The following AKIRIN2 variants were observed in gnomAD, a reference collection of about 807,000 sequenced individuals.
AKIRIN2 encodes the protein akirin-2.
A neutral mutation model predicts 29.3 loss-of-function variants in AKIRIN2; 6 were observed. The observed-to-expected ratio is 0.20, with a 90% CI of 0.11 to 0.40. The LOEUF (loss-of-function observed/expected upper bound fraction) is 0.40. AKIRIN2 is among the 10% of genes least tolerant of loss of function. AKIRIN2 has a pLI of 1.00. For synonymous variants in AKIRIN2, 128 were observed against 117.5 expected, an observed-to-expected ratio of 1.09 and a Z score of -0.58; for missense variants, 210 against 276.1, an observed-to-expected ratio of 0.76 and a Z score of 1.70.
chr6:87,701,703 C>A lies in AKIRIN2; in HGVS notation c.-19G>T. The A allele has an allele frequency of 2.1e-6, 3 of 1,426,432 alleles. No individual in the cohort carries two copies. The highest frequency in any genetic ancestry group is 2.8e-6 in the Non-Finnish European group (3 of 1,089,772). 88.4% of individuals were successfully genotyped at this position (1,426,432 alleles called of 1,614,324 possible). A position where few individuals can be genotyped will look rare whatever the true frequency, so the allele number is the denominator to read the frequency against. On this transcript the variant is annotated 5_prime_UTR_variant, in exon 1 of 5. Transcript: ENST00000257787. ...ACGCCATGGCCGGGGGCAGCTGAGG[C>A]GCCGGGCTCGGGTGGGGTCGGGGAC...
chr6:87,701,811 G>T lies in AKIRIN2; in HGVS notation c.-127C>A. On this transcript the variant is annotated 5_prime_UTR_variant, in exon 1 of 5. Coordinates refer to ENST00000257787, the MANE Select transcript of AKIRIN2 (RefSeq NM_018064.4). The stretch of plus-strand genomic sequence containing the variant: ...TACCCGACGGGCTCAGGAGCCAAGC[G>T]GGTCGCGGAGCGCCGGCTGTGGAAA... 1.6e-6 allele frequency: 1 copy of T among 639,324 alleles called. No homozygotes were observed. Among genetic ancestry groups the T allele is most frequent in the Non-Finnish European group, 2.4e-6 (1 of 424,746 alleles). The allele number at this position is 639,324 out of a possible 1,614,324, so 39.6% of individuals were successfully genotyped here.
intron 1 of AKIRIN2, among the ~76,000 whole-genome samples, chr6:87,688,972 A>G (rs180985030): frequency 7.2e-5 from 11 of 152,352 alleles, no homozygotes; most frequent in African/African-American, 2.4e-4. Flanking sequence ...CTAGCTATAC[A>G]GTACCAGTGA....
intron 1 of AKIRIN2, among the ~76,000 whole-genome samples, chr6:87,695,835 A>C (rs1771350985): frequency 6.6e-6 from 1 of 152,222 alleles, no homozygotes; most frequent in Non-Finnish European, 1.5e-5. Flanking sequence ...TCAATCTTTC[A>C]AAACGAAAGC....
At chr6:87,690,316 C>T (rs573309793) in intron 1 of AKIRIN2, among the ~76,000 whole-genome samples, 1 of 151,830 alleles carries the variant, frequency 6.6e-6, no homozygotes, top group African/African-American at 2.4e-5. Context: ...GAAAGCAAGA[C>T]ATTAGCAGCA....
At chr6:87,697,621 C>T (rs1480082626) in intron 1 of AKIRIN2, among the ~76,000 whole-genome samples, 3 of 152,212 alleles carry the variant, frequency 2.0e-5, no homozygotes. Context: ...ACAGACGTCT[C>T]ATTTGTTCGC....
At chr6:87,683,487 G>C (rs573397237) in intron 1 of AKIRIN2, among the ~76,000 whole-genome samples, 2 of 152,290 alleles carry the variant, frequency 1.3e-5, no homozygotes, top group South Asian at 4.1e-4. Flanking sequence ...GCATGAAACA[G>C]TTGTCTACTG....
chr6:87,686,768 G>A (rs1036894637), intron 1 of AKIRIN2, among the ~76,000 whole-genome samples: 5 of 151,996 alleles, frequency 3.3e-5, no homozygotes, highest in African/African-American at 9.7e-5. Flanking sequence ...TCTTGTGGCC[G>A]GGCGCGGTAG....
intron 1 of AKIRIN2, among the ~76,000 whole-genome samples, chr6:87,696,482 A>G (rs1771365981): frequency 6.6e-6 from 1 of 151,896 alleles, no homozygotes; most frequent in African/African-American, 2.4e-5. Context: ...CGGGCAGATC[A>G]TGAGGCCAGA....
intron 3 of AKIRIN2, among the ~76,000 whole-genome samples, chr6:87,676,755 G>C (rs966916139): frequency 6.7e-6 from 1 of 149,694 alleles, no homozygotes; most frequent in Non-Finnish European, 1.5e-5. Flanking sequence ...ACTCCGGCCT[G>C]GGCGACAGAG....
chr6:87,690,071 A>T (rs756698573), intron 1 of AKIRIN2, among the ~76,000 whole-genome samples: 12 of 151,912 alleles, frequency 7.9e-5, no homozygotes, highest in African/African-American at 2.4e-5. Context: ...AAATTAGCTG[A>T]GCATGGTGGC....
chr6:87,681,596 G>A, intron 2 of AKIRIN2, 24 bp downstream of exon 2: 1 of 1,589,544 alleles, frequency 6.3e-7, no homozygotes, highest in Non-Finnish European at 8.5e-7. Flanking sequence ...AATAAACTTT[G>A]TAAATGACAA....
At chr6:87,701,368 C>A in intron 1 of AKIRIN2, 82 bp downstream of exon 1, 2 of 1,408,368 alleles carry the variant, frequency 1.4e-6, no homozygotes, top group Non-Finnish European at 1.9e-6. Context: ...GGCACCCCCA[C>A]CCCAGGGGCC....
intron 1 of AKIRIN2, among the ~76,000 whole-genome samples, chr6:87,687,021 G>C (rs1438874576): frequency 6.9e-6 from 1 of 145,452 alleles, no homozygotes; most frequent in African/African-American, 2.6e-5. Context: ...ACTCCAGCCA[G>C]GCGACAGAGC....
intron 1 of AKIRIN2, among the ~76,000 whole-genome samples, chr6:87,688,618 C>T (rs539082328): frequency 9.9e-5 from 15 of 152,242 alleles, no homozygotes; most frequent in African/African-American, 3.6e-4. Context: ...AGCATGCTGG[C>T]ATGTGCCTGT....
intron 1 of AKIRIN2, among the ~76,000 whole-genome samples, chr6:87,688,563 T>G (rs556686174): frequency 1.3e-4 from 20 of 151,996 alleles, no homozygotes; most frequent in African/African-American, 4.8e-4. Flanking sequence ...CTGACCAACA[T>G]GGAGAAACCC....
chr6:87,687,692 C>T (rs1276761594), intron 1 of AKIRIN2, among the ~76,000 whole-genome samples: 11 of 152,112 alleles, frequency 7.2e-5, no homozygotes, highest in South Asian at 2.1e-4. Flanking sequence ...TTGAAAGAAA[C>T]GACTCAATTT....
At chr6:87,677,382 T>C (rs1771035253) in intron 3 of AKIRIN2, among the ~76,000 whole-genome samples, 1 of 152,256 alleles carries the variant, frequency 6.6e-6, no homozygotes, top group Admixed American at 6.5e-5. Flanking sequence ...CCATACATAA[T>C]AAATTTTATT....
Position 87,675,909 on chromosome 6 carries a change from C to T in AKIRIN2, c.552G>A (p.Lys184=), listed in dbSNP as rs780157188. The T allele has an allele frequency of 2.5e-6, 4 of 1,613,574 alleles. No individual in the cohort carries two copies. The highest frequency in any genetic ancestry group is 3.4e-6 in the Non-Finnish European group (4 of 1,179,838). ...KLAEQYDAFV[K]FTHDQIMRRY... ...GTCGCATTATTTGATCATGCGTAAA[C>T]TTCACAAACGCATCATATTGTTCTA... Residue 184 remains lysine (K), a synonymous_variant, in exon 4 of 5, where the codon AAG becomes AAA. Coordinates refer to ENST00000257787, the MANE Select transcript of AKIRIN2 (RefSeq NM_018064.4).
intron 3 of AKIRIN2, among the ~76,000 whole-genome samples, chr6:87,676,725 A>G (rs1297417012): frequency 6.6e-6 from 1 of 151,592 alleles, no homozygotes; most frequent in African/African-American, 2.4e-5. Context: ...GGTTGCAGTG[A>G]GCCAAGATCG....
Sources: allele counts gnomAD v4.1 joint callset (sites outside exome capture counted in the v4.1 genomes callset), GRCh38; gene constraint gnomAD v4.1.1; transcripts MANE v1.5; gene names NCBI Gene and HGNC (gene_info 2026-07-23, HGNC 2026-07-21).